KIF26B: variants seen among roughly 807,000 people sequenced by gnomAD.
KIF26B encodes kinesin family member 26B.
KIF26B carries 63 observed loss-of-function variants against 151.2 expected under a neutral mutation model. The observed-to-expected ratio is 0.42, with a 90% CI of 0.34 to 0.51. KIF26B has a LOEUF of 0.51. KIF26B is among the 20% of genes least tolerant of loss of function. KIF26B has a pLI of 0.07. For missense variants in KIF26B, 2,813 were observed against 2,913.6 expected, an observed-to-expected ratio of 0.97 and a Z score of 0.79; for synonymous variants, 1,357 against 1,262.1, an observed-to-expected ratio of 1.08 and a Z score of -1.59.
chr1:245,672,818 A>G (rs1416352468), intron 10 of KIF26B, among the ~76,000 whole-genome samples: 2 of 152,172 alleles, frequency 1.3e-5, no homozygotes, highest in African/African-American at 2.4e-5. Flanking sequence ...GAGGGATAAG[A>G]GAGTCACTGA....
At chr1:245,452,499 C>G (rs1011724445) in intron 4 of KIF26B, among the ~76,000 whole-genome samples, 1 of 152,096 alleles carries the variant, frequency 6.6e-6, no homozygotes. Context: ...GTATGTTTAG[C>G]TTTTTGAGGA....
intron 3 of KIF26B, chr1:245,370,769 C>T (rs756078914): frequency 3.6e-5 from 14 of 384,270 alleles, no homozygotes; most frequent in Admixed American, 6.2e-5. Context: ...ATTATTTGTG[C>T]GTTTCTTTTA....
chr1:245,207,040 C>T (rs927993994), intron 2 of KIF26B, among the ~76,000 whole-genome samples: 3 of 152,060 alleles, frequency 2.0e-5, no homozygotes, highest in Admixed American at 6.6e-5. Context: ...TTAGGGTCCT[C>T]GGAGAGAGAA....
intron 2 of KIF26B, among the ~76,000 whole-genome samples, chr1:245,259,642 G>T (rs942875954): frequency 2.6e-5 from 4 of 151,986 alleles, no homozygotes; most frequent in Non-Finnish European, 5.9e-5. Flanking sequence ...AATGGACAGG[G>T]TGAGCTTGGC....
rs189983956 is a variant in KIF26B, at chr1:245,678,586, T to G, written c.2259-5647T>G. Among the ~76,000 whole-genome samples, 1,186 of 151,974 alleles carry G rather than the reference T, an allele frequency of 7.8e-3. 6 individuals are homozygous for G. Among genetic ancestry groups the G allele is most frequent in the Non-Finnish European group, 0.011 (728 of 67,902 alleles). ...ACTGTAAAAAAAAGCAAGACAGGCC[T>G]GGCACAGTGGCTCACGCCTGTAATC... On this transcript the variant is annotated intron_variant, in intron 10 of 14. Transcript: ENST00000407071.
chr1:245,340,766 TAAAG>T (rs1672318359), intron 2 of KIF26B, among the ~76,000 whole-genome samples: 6 of 152,168 alleles, frequency 3.9e-5, no homozygotes, highest in Admixed American at 3.9e-4. Flanking sequence ...TATGTGCACT[TAAAG>T]AAATGTGCAG....
At chr1:245,594,684 G>GT (rs1306572400) in intron 5 of KIF26B, among the ~76,000 whole-genome samples, 1 of 152,124 alleles carries the variant, frequency 6.6e-6, no homozygotes, top group African/African-American at 2.4e-5. Context: ...ATTTAAAGTA[G>GT]TTTTTTCTAA....
At chr1:245,697,884 AC>A (rs2044714558) in intron 12 of KIF26B, among the ~76,000 whole-genome samples, 1 of 152,012 alleles carries the variant, frequency 6.6e-6, no homozygotes, top group Non-Finnish European at 1.5e-5. Flanking sequence ...TCAAAAAAAA[AC>A]ATTTAATTAG....
chr1:245,488,439 G>A lies in KIF26B; in HGVS notation c.1167-52328G>A, dbSNP rs1162364688. 6.6e-6 allele frequency among the ~76,000 whole-genome samples: 1 copy of A among 152,166 alleles called. No homozygotes were observed. Among genetic ancestry groups the A allele is most frequent in the Non-Finnish European group, 1.5e-5 (1 of 68,032 alleles). ...CAGATCGTACACTCCTTGCTGGGTA[G>A]GATTGTTTCAGAGGATATGAAGGAC... On this transcript the variant is annotated intron_variant, in intron 4 of 14. Coordinates refer to ENST00000407071, the MANE Select transcript of KIF26B (RefSeq NM_018012.4). The surrounding 1 kb of genome is among the most constrained non-coding windows in gnomAD (Gnocchi z 4.6).
chr1:245,184,050 G>GTTTGTTTTTTTTTTTTTTT (rs1668954964), intron 2 of KIF26B, among the ~76,000 whole-genome samples: 1 of 19,804 alleles, frequency 5.0e-5, no homozygotes, highest in African/African-American at 1.5e-4. Flanking sequence ...GGGAGTTGTT[G>GTTTGTTTTTTTTTTTTTTT]TTTTTTTTTT....
Position 245,540,757 on chromosome 1 carries a change from T to A in KIF26B, c.1167-10T>A. On this transcript the variant is annotated splice_polypyrimidine_tract_variant and intron_variant, in intron 4 of 14. Transcript: ENST00000407071. The surrounding 1 kb of genome is among the most constrained non-coding windows in gnomAD (Gnocchi z 4.6). ...TCATTTTCCCCTTATTGTTCCTTTT[T>A]CCACTCCAGAGCTGCCCAGAAGTTA... 1.2e-6 allele frequency: 2 copies of A among 1,612,740 alleles called. No individual in the cohort carries two copies. The highest frequency in any genetic ancestry group is 1.3e-5 in the African/African-American group (1 of 75,014).
In KIF26B at chr1:245,224,747, G is replaced by A. The variant is rs149112008; in HGVS notation, c.465+68064G>A. ...AATAATTATTTTCTAAATGACCTGTGTAGGATATTATACAGTTATACACAG... is the reference window on the plus strand; with the variant it reads ...AATAATTATTTTCTAAATGACCTGTATAGGATATTATACAGTTATACACAG... On this transcript the variant is annotated intron_variant, in intron 2 of 14. Transcript: ENST00000407071. 2.9e-3 allele frequency among the ~76,000 whole-genome samples: 436 copies of A among 152,322 alleles called. 3 individuals carry two copies. Among genetic ancestry groups the A allele is most frequent in the African/African-American group, 9.8e-3 (406 of 41,564 alleles).
chr1:245,411,942 G>A (rs765731175), intron 3 of KIF26B, among the ~76,000 whole-genome samples: 11 of 152,144 alleles, frequency 7.2e-5, no homozygotes, highest in Admixed American at 2.0e-4. Context: ...GTGGAACATC[G>A]GCGTGATCAA....
intron 5 of KIF26B, among the ~76,000 whole-genome samples, chr1:245,582,904 A>G (rs1427809333): frequency 6.6e-6 from 1 of 152,168 alleles, no homozygotes; most frequent in Non-Finnish European, 1.5e-5. Flanking sequence ...GACACGGAGC[A>G]TGAGAGTGGC....
chr1:245,173,654 C>T (rs908695464), intron 2 of KIF26B, among the ~76,000 whole-genome samples: 8 of 152,190 alleles, frequency 5.3e-5, no homozygotes, highest in East Asian at 1.9e-4. Flanking sequence ...CTTCCTGCTC[C>T]CCGGCCTCCC....
intron 4 of KIF26B, among the ~76,000 whole-genome samples, chr1:245,504,795 G>A (rs1257346213): frequency 2.0e-5 from 3 of 152,136 alleles, no homozygotes; most frequent in East Asian, 3.9e-4. Context: ...GTGGTCAGAG[G>A]TGGCTCTGTC....
chr1:245,369,136 G>A (rs1201955340), intron 3 of KIF26B, among the ~76,000 whole-genome samples: 1 of 151,336 alleles, frequency 6.6e-6, no homozygotes, highest in African/African-American at 2.5e-5. Context: ...CCTGGTGACA[G>A]AGCAAGACTC....
rs1250360588 is a variant in KIF26B, at chr1:245,512,551, G to A, written c.1167-28216G>A. On this transcript the variant is annotated intron_variant, in intron 4 of 14. Transcript: ENST00000407071. This position sits in a 1 kb window ranked among gnomAD's most constrained non-coding sequence, Gnocchi z 4.3. The stretch of plus-strand genomic sequence containing the variant: ...ATTAATTGGGGTTTAACATCATCAA[G>A]GGCTGTAGCACTGGGCACCCGAGGG... Among the ~76,000 whole-genome samples the A allele has an allele frequency of 6.6e-6, 1 of 152,108 alleles. No individual in the cohort carries two copies. The highest frequency in any genetic ancestry group is 2.4e-5 in the African/African-American group (1 of 41,414).
intron 2 of KIF26B, among the ~76,000 whole-genome samples, chr1:245,201,683 A>G (rs1669302576): frequency 6.6e-6 from 1 of 152,236 alleles, no homozygotes; most frequent in African/African-American, 2.4e-5. Context: ...AATCAAAGCT[A>G]AGCATTACCA....
Sources: gnomAD v4.1 joint callset for allele counts (sites outside exome capture counted in the v4.1 genomes callset) on GRCh38, gnomAD v4.1.1 for gene constraint, Gnocchi (gnomAD v3.1) non-coding constraint, MANE v1.5 for transcripts, NCBI Gene and HGNC (gene_info 2026-07-23, HGNC 2026-07-21) for gene names.